STK32B: variants seen among roughly 807,000 people sequenced by gnomAD.
STK32B encodes the protein serine/threonine kinase 32B, also known as serine/threonine-protein kinase 32B.
STK32B carries 43 observed loss-of-function variants against 52.6 expected under a neutral mutation model. The ratio of observed to expected loss-of-function variants is 0.82; its 90% confidence interval spans 0.64 to 1.05. The LOEUF (loss-of-function observed/expected upper bound fraction) is 1.05, where lower values mean the gene tolerates loss of function less well. STK32B is among the 50% of genes least tolerant of loss of function. The probability of loss-of-function intolerance (pLI) is 0.00; values close to 1 mark genes in which losing one functional copy is unlikely to be tolerated. For missense variants in STK32B, 621 were observed against 534.6 expected (o/e 1.16, Z -1.59); for synonymous variants, 238 against 204.3 (o/e 1.17, Z -1.41).
At chr4:5,388,962 A>G (rs1736425884) in intron 4 of STK32B, among the ~76,000 whole-genome samples, 2 of 152,140 alleles carry the variant, frequency 1.3e-5, no homozygotes, top group African/African-American at 4.8e-5. Context: ...TGAATTAATC[A>G]TTGTCATCCA....
chr4:5,367,959 C>T (rs1013230376), intron 4 of STK32B, among the ~76,000 whole-genome samples: 2 of 152,152 alleles, frequency 1.3e-5, no homozygotes, highest in African/African-American at 4.8e-5. Context: ...GGCTTCACTG[C>T]TCCGTCGTTT....
intron 4 of STK32B, among the ~76,000 whole-genome samples, chr4:5,383,315 C>A (rs1268421797): frequency 1.3e-5 from 2 of 152,192 alleles, no homozygotes; most frequent in African/African-American, 4.8e-5. Flanking sequence ...ACATGCCTGG[C>A]TCCTGGTTCC....
intron 11 of STK32B, among the ~76,000 whole-genome samples, chr4:5,488,626 C>G (rs1490075155): frequency 6.6e-6 from 1 of 152,148 alleles, no homozygotes; most frequent in African/African-American, 2.4e-5. Context: ...CTTAAATATT[C>G]TGCTTTGTCT....
rs1383157135 is a variant in STK32B at position 5,394,362 on chromosome 4, G to A, written c.435-3845G>A. Among the ~76,000 whole-genome samples the A allele has an allele frequency of 2.0e-5, 3 of 152,162 alleles. No homozygotes were observed. Among genetic ancestry groups the A allele is most frequent in the South Asian group, 2.1e-4 (1 of 4,824 alleles). On this transcript the variant is annotated intron_variant, in intron 4 of 11. Transcript: ENST00000282908. This position sits in a 1 kb window ranked among gnomAD's most constrained non-coding sequence, Gnocchi z 4.2. ...ATGCCCTTTCTGAACGTTCAAACCC[G>A]TTTTCAACAGGATGACGCGCTGGAG... is the stretch of plus-strand genomic sequence containing the variant.
chr4:5,039,670 G>C, the STK32B span, among the ~76,000 whole-genome samples: 14 of 152,200 alleles, frequency 9.2e-5, no homozygotes, highest in African/African-American at 2.9e-4. Flanking sequence ...GTTATGTACT[G>C]TATGTAATTC....
chr4:5,488,943 A>T (rs1719453971), intron 11 of STK32B, among the ~76,000 whole-genome samples: 1 of 152,004 alleles, frequency 6.6e-6, no homozygotes, highest in East Asian at 1.9e-4. Context: ...TAAAAACTTC[A>T]TATTTTTATA....
At chr4:5,254,633 A>G (rs923015378) in intron 3 of STK32B, among the ~76,000 whole-genome samples, 1 of 152,102 alleles carries the variant, frequency 6.6e-6, no homozygotes, top group Non-Finnish European at 1.5e-5. Flanking sequence ...CTAATTTTTG[A>G]GAAGTGTGTT....
intron 4 of STK32B, among the ~76,000 whole-genome samples, chr4:5,377,025 T>C (rs1437280491): frequency 6.6e-6 from 1 of 151,916 alleles, no homozygotes. Context: ...GTCCGACTGC[T>C]ACACCCCTGC....
intron 2 of STK32B, among the ~76,000 whole-genome samples, chr4:5,161,309 C>G (rs903243347): frequency 6.6e-6 from 1 of 152,188 alleles, no homozygotes; most frequent in African/African-American, 2.4e-5. Context: ...GTTGTGGACT[C>G]AGCAGCAAGG....
chr4:5,360,204 C>T (rs573784802), intron 4 of STK32B, among the ~76,000 whole-genome samples: 5 of 152,164 alleles, frequency 3.3e-5, no homozygotes, highest in Non-Finnish European at 7.4e-5. Flanking sequence ...AACACTTGTC[C>T]ATTTCAAAAA....
chr4:5,293,422 C>G (rs909290869), intron 3 of STK32B, among the ~76,000 whole-genome samples: 1 of 152,108 alleles, frequency 6.6e-6, no homozygotes, highest in Non-Finnish European at 1.5e-5. Flanking sequence ...TAAAAGCGTT[C>G]CTATTTCTCC....
intron 4 of STK32B, among the ~76,000 whole-genome samples, chr4:5,343,130 T>G (rs1350014423): frequency 2.5e-5 from 3 of 121,502 alleles, no homozygotes; most frequent in Non-Finnish European, 3.3e-5. Context: ...CACCAGTGTG[T>G]GATATTCCCC....
chr4:5,242,682 G>C (rs908599026), intron 3 of STK32B, among the ~76,000 whole-genome samples: 3 of 152,088 alleles, frequency 2.0e-5, no homozygotes, highest in African/African-American at 7.2e-5. Flanking sequence ...TATTGCCTAG[G>C]TTTTCTTCTA....
chr4:5,144,674 A>G lies in STK32B; in HGVS notation c.108+4714A>G, dbSNP rs139986807. 4.1e-3 allele frequency among the ~76,000 whole-genome samples: 631 copies of G among 152,222 alleles called. 3 individuals carry two copies. The highest frequency in any genetic ancestry group is 0.014 in the African/African-American group (598 of 41,530). Reference sequence around the variant, plus strand: ...GTACAGCTCTGGGCTTAGCACTGACATTGTCTTTGTATTTTCTCTAAGTCT... The same window carrying G: ...GTACAGCTCTGGGCTTAGCACTGACGTTGTCTTTGTATTTTCTCTAAGTCT... On this transcript the variant is annotated intron_variant, in intron 2 of 11. Coordinates refer to ENST00000282908, the MANE Select transcript of STK32B (RefSeq NM_018401.3).
chr4:5,123,666 C>T (rs954708101), intron 1 of STK32B, among the ~76,000 whole-genome samples: 7 of 152,122 alleles, frequency 4.6e-5, no homozygotes, highest in Non-Finnish European at 8.8e-5. Context: ...GTTCTTATCA[C>T]CTCTTTTTAC....
intron 4 of STK32B, among the ~76,000 whole-genome samples, chr4:5,348,725 A>G (rs958429524): frequency 3.9e-5 from 6 of 152,156 alleles, no homozygotes; most frequent in African/African-American, 1.2e-4. Flanking sequence ...AGGCCTGAGG[A>G]TCACCACAAC....
At chr4:5,313,784 C>G (rs963626576) in intron 3 of STK32B, among the ~76,000 whole-genome samples, 1 of 152,092 alleles carries the variant, frequency 6.6e-6, no homozygotes, top group African/African-American at 2.4e-5. Flanking sequence ...AATCACATTT[C>G]TGTATACTGA....
chr4:5,033,453 C>T, the STK32B span, among the ~76,000 whole-genome samples: 1 of 152,336 alleles, frequency 6.6e-6, no homozygotes, highest in South Asian at 2.1e-4. Context: ...CACCCCAGGG[C>T]AGGAAGTGGG....
chr4:5,094,812 C>T (rs946309353), intron 1 of STK32B, among the ~76,000 whole-genome samples: 4 of 151,964 alleles, frequency 2.6e-5, no homozygotes, highest in East Asian at 1.9e-4. Context: ...TGTAGGGAGT[C>T]GGCGCCCCTA....
Sources: gnomAD v4.1 joint callset for allele counts (sites outside exome capture counted in the v4.1 genomes callset) on GRCh38, gnomAD v4.1.1 for gene constraint, Gnocchi (gnomAD v3.1) non-coding constraint, MANE v1.5 for transcripts, NCBI Gene and HGNC (gene_info 2026-07-23, HGNC 2026-07-21) for gene names.